ABCC12: variants seen among roughly 807,000 people sequenced by gnomAD.
The protein encoded by ABCC12 is ATP binding cassette subfamily C member 12.
In ABCC12, 142 loss-of-function variants were observed where a neutral mutation model predicts 151.1. The observed-to-expected ratio is 0.94, with a 90% CI of 0.82 to 1.08. The LOEUF is 1.08. Ranked by LOEUF, ABCC12 falls within the 50% of genes least tolerant of loss-of-function variation. The pLI is 0.00. For synonymous variants in ABCC12, 645 were observed against 646.4 expected (o/e 1.00, Z 0.03); for missense variants, 1,638 against 1,691.1 (o/e 0.97, Z 0.55).
At position 48,104,176 on chromosome 16, in the gene ABCC12, C is replaced by T. The variant is rs1239620693; in HGVS notation, c.2866G>A (p.Ala956Thr). 1 of 1,614,204 alleles carries T rather than the reference C, an allele frequency of 6.2e-7. No homozygotes were observed. Among genetic ancestry groups the T allele is most frequent in the Admixed American group, 1.7e-5 (1 of 60,028 alleles). Residue 956 changes from alanine (A) to threonine (T), a missense_variant, in exon 22 of 31, where the codon GCC (alanine) becomes ACC (threonine). Transcript: ENST00000311303. ...AVFPAVLLVV[A>T]SLAVGFFILL... ...ATGAAGAAGCCTACAGCAAGGCTGG[C>T]CACGACTAAAAGGACAGCAGGAAAC...
chr16:48,113,929 C>T (rs1963786978), intron 15 of ABCC12, among the ~76,000 whole-genome samples: 1 of 152,180 alleles, frequency 6.6e-6, no homozygotes, highest in Admixed American at 6.5e-5. Flanking sequence ...CCTTGGAGGA[C>T]AGCCCTCCCT....
intron 20 of ABCC12, among the ~76,000 whole-genome samples, chr16:48,106,555 GTCTATTCCAGAGATGGCTC>G: frequency 6.6e-6 from 1 of 152,232 alleles, no homozygotes; most frequent in East Asian, 1.9e-4. Flanking sequence ...GGGAGAATCT[GTCTATTCCAGAGATGGCTC>G]TCTATTTCTG....
At chr16:48,133,238 T>C (rs2150659929) in intron 9 of ABCC12, among the ~76,000 whole-genome samples, 1 of 152,052 alleles carries the variant, frequency 6.6e-6, no homozygotes, top group East Asian at 1.9e-4. Context: ...AAAGTTGGAG[T>C]TGGCCCGGCA....
intron 3 of ABCC12, among the ~76,000 whole-genome samples, chr16:48,145,499 C>T (rs1964967236): frequency 6.6e-6 from 1 of 152,214 alleles, no homozygotes. Context: ...GACCTGGCAG[C>T]TCATTCCATC....
At chr16:48,146,725 A>G (rs1035333995) in intron 2 of ABCC12, 2 of 274,234 alleles carry the variant, frequency 7.3e-6, no homozygotes, top group African/African-American at 4.4e-5. Context: ...AGAGCAGAAA[A>G]CCCTATGGTG....
chr16:48,103,941 C>T (rs1330486940), intron 22 of ABCC12, among the ~76,000 whole-genome samples: 1 of 152,210 alleles, frequency 6.6e-6, no homozygotes, highest in African/African-American at 2.4e-5. Flanking sequence ...GTGCCGTAAT[C>T]TTTCAATAGT....
Position 48,096,798 on chromosome 16 carries a change from A to G in ABCC12, c.3143T>C (p.Phe1048Ser). The change falls in exon 24 of 31, where the codon TTC (phenylalanine) becomes TCC (serine). Residue 1048 changes from phenylalanine (F) to serine (S), a missense_variant. Physicochemically the swap from Phe to Ser is radical, Grantham distance 155. Transcript: ENST00000311303. ...FTVALLVTLS[F>S]SSISTSSKGL... ...TTTGGATGAAGTACTGATGGAGGAG[A>G]AACTCAGGGTCACCAACAAGGCCAC... 1.9e-6 allele frequency: 3 copies of G among 1,614,118 alleles called. No individual in the cohort carries two copies. Among genetic ancestry groups the G allele is most frequent in the Non-Finnish European group, 2.5e-6 (3 of 1,179,970 alleles).
At chr16:48,111,746 T>C (rs1305601311) in intron 16 of ABCC12, 30 bp downstream of exon 16, 2 of 1,614,018 alleles carry the variant, frequency 1.2e-6, no homozygotes, top group Non-Finnish European at 1.7e-6. Context: ...CCGCCCCAAT[T>C]GTTCCCACAC....
chr16:48,111,959 C>A, intron 15 of ABCC12, 49 bp from the exon 16 acceptor site: 1 of 1,588,160 alleles, frequency 6.3e-7, no homozygotes, highest in Non-Finnish European at 8.6e-7. Flanking sequence ...AAAGGAGAGC[C>A]CATGCCAAAC....
rs768916250 is a variant in ABCC12, at chr16:48,155,977, A to C, written c.-456T>G. Reference sequence around the variant, plus strand: ...AGTTTCTCTTGTCCCACCCGCCTGAAGTCCTCCTCTCCAACTGCCCCATTC... The same window carrying C: ...AGTTTCTCTTGTCCCACCCGCCTGACGTCCTCCTCTCCAACTGCCCCATTC... On this transcript the variant is annotated 5_prime_UTR_variant, in exon 1 of 31. Transcript: ENST00000311303. The C allele has an allele frequency of 2.6e-5, 4 of 152,364 alleles. No individual in the cohort carries two copies. The highest frequency in any genetic ancestry group is 4.4e-5 in the Non-Finnish European group (3 of 68,186). 9.4% of individuals were successfully genotyped at this position (152,364 alleles called of 1,614,324 possible).
In ABCC12 at chr16:48,141,240, T is replaced by C. The variant is rs746291610; in HGVS notation, c.389A>G (p.Asn130Ser). Residue 130 changes from asparagine to serine, a missense_variant, in exon 5 of 31, where the codon AAC becomes AGC. By Grantham distance (46) the Asn-to-Ser change is conservative (BLOSUM62 1). Transcript: ENST00000311303. ...RTRVLMDIVANILCIIMAAIG... is the reference protein window; with the variant it reads ...RTRVLMDIVASILCIIMAAIG... ...GGCTGCCATGATGATGCACAGGATG[T>C]TGGCCACGATGTCCATCAACACGCG... 4 of 1,614,052 alleles carry C rather than the reference T, an allele frequency of 2.5e-6. No individual in the cohort carries two copies. In the South Asian group the frequency reaches 4.4e-5, roughly 18 times the overall value.
chr16:48,091,919 G>T (rs1962914129), intron 24 of ABCC12, among the ~76,000 whole-genome samples: 1 of 152,190 alleles, frequency 6.6e-6, no homozygotes, highest in Non-Finnish European at 1.5e-5. Context: ...TATCATCCTG[G>T]ATCACCTGGG....
chr16:48,107,588 G>A (rs1021603616), intron 19 of ABCC12, among the ~76,000 whole-genome samples, 163 bp from the exon 20 acceptor site: 1 of 152,200 alleles, frequency 6.6e-6, no homozygotes, highest in African/African-American at 2.4e-5. Context: ...TCTGAGTGTT[G>A]GGACCCTGAA....
rs751900484 is a variant in ABCC12 at position 48,115,520 on chromosome 16, G to T, written c.1884C>A (p.Asp628Glu). ...CGTGGGCGTCCACGGCCGACAGGGG[G>T]TCGTCCAGCAGGTAGAGCTGACGGT... ...YSDRQLYLLD[D>E]PLSAVDAHVG... The change falls in exon 15 of 31, where the codon GAC becomes GAA. Residue 628 changes from aspartate to glutamate, a missense_variant. By Grantham distance (45) the Asp-to-Glu change is conservative. Coordinates refer to ENST00000311303, the MANE Select transcript of ABCC12 (RefSeq NM_001393797.1). 3.6e-5 allele frequency: 58 copies of T among 1,614,096 alleles called. No homozygotes were observed. Among genetic ancestry groups the T allele is most frequent in the African/African-American group, 2.3e-4 (17 of 74,950 alleles).
At chr16:48,097,080 A>G (rs530935349) in intron 23 of ABCC12, 178 bp from the exon 24 acceptor site, 7 of 766,248 alleles carry the variant, frequency 9.1e-6, no homozygotes, top group East Asian at 2.7e-5. Context: ...ACATATATTC[A>G]TGCTCTTAAA....
chr16:48,094,523 T>C (rs1245119171), intron 24 of ABCC12, among the ~76,000 whole-genome samples: 1 of 152,132 alleles, frequency 6.6e-6, no homozygotes, highest in Admixed American at 6.5e-5. Flanking sequence ...GCTGATAGGC[T>C]CTGTATATAG....
intron 15 of ABCC12, among the ~76,000 whole-genome samples, chr16:48,115,072 G>A (rs1567450844): frequency 6.6e-6 from 1 of 152,280 alleles, no homozygotes; most frequent in East Asian, 1.9e-4. Flanking sequence ...GAGTAAGGGT[G>A]GGGCCGTCAT....
intron 23 of ABCC12, 97 bp from the exon 24 acceptor site, chr16:48,096,999 T>G: frequency 6.7e-7 from 1 of 1,485,704 alleles, no homozygotes; most frequent in Non-Finnish European, 9.4e-7. Context: ...TTAGGGTGAC[T>G]GGAGAAATGA....
Position 48,107,323 on chromosome 16 carries a change from CG to C in ABCC12, c.2473del (p.Arg825GlyfsTer2). 6.2e-7 allele frequency: 1 copy of C among 1,613,986 alleles called. No individual in the cohort carries two copies. Among genetic ancestry groups the C allele is most frequent in the South Asian group, 1.1e-5 (1 of 91,066 alleles). Reference sequence around the variant, plus strand: ...TTCCAATGCCAAAGGGAAACTCACCCGTGAGCCCTTGTCCAACCAGAGACCC... The same window carrying C: ...TTCCAATGCCAAAGGGAAACTCACCCTGAGCCCTTGTCCAACCAGAGACCC... The part of the protein sequence containing the change: ...WLGLWLDKGS[R>X]MTCGPQGNRT... On this transcript the variant is annotated frameshift_variant and splice_region_variant, in exon 20 of 31. Transcript: ENST00000311303. LOFTEE classifies it high-confidence loss of function.
Sources: gnomAD v4.1 joint callset for allele counts (sites outside exome capture counted in the v4.1 genomes callset) on GRCh38, gnomAD v4.1.1 for gene constraint, MANE v1.5 for transcripts, NCBI Gene and HGNC (gene_info 2026-07-23, HGNC 2026-07-21) for gene names.